The following SLIT3 variants were observed in gnomAD, a reference collection of about 807,000 sequenced individuals.
SLIT3 encodes the protein slit homolog 3 protein.
SLIT3 carries 68 observed loss-of-function variants against 184.0 expected under a neutral mutation model. The observed-to-expected ratio is 0.37, with a 90% CI of 0.30 to 0.45. The LOEUF (loss-of-function observed/expected upper bound fraction) is 0.45, where lower values mean the gene tolerates loss of function less well. Ranked by LOEUF, SLIT3 falls within the 20% of genes least tolerant of loss-of-function variation. The pLI is 1.00. For missense variants in SLIT3, 1,707 were observed against 2,026.0 expected (o/e 0.84, Z 3.02); for synonymous variants, 831 against 828.6 (o/e 1.00, Z -0.05).
chr5:169,222,927 A>G (rs1245412963), intron 3 of SLIT3, among the ~76,000 whole-genome samples: 1 of 152,194 alleles, frequency 6.6e-6, no homozygotes, highest in Non-Finnish European at 1.5e-5. Context: ...AGTTCACTCA[A>G]CAAGGAGACA....
chr5:169,068,547 A>C (rs1230175444), intron 4 of SLIT3, among the ~76,000 whole-genome samples: 3 of 152,218 alleles, frequency 2.0e-5, no homozygotes, highest in African/African-American at 4.8e-5. Flanking sequence ...TAGTGGCCAA[A>C]GCAAAGAGAG....
intron 12 of SLIT3, among the ~76,000 whole-genome samples, chr5:168,776,969 C>T (rs560167738): frequency 4.6e-5 from 7 of 152,174 alleles, no homozygotes; most frequent in South Asian, 2.1e-4. Flanking sequence ...ATTTGATAGC[C>T]TGAGGATGGA....
chr5:168,790,755 A>C (rs1390600491), intron 10 of SLIT3: 1 of 152,278 alleles, frequency 6.6e-6, no homozygotes, highest in African/African-American at 2.4e-5. Context: ...AACAGAGCAG[A>C]TTCTTAAGCA....
intron 5 of SLIT3, among the ~76,000 whole-genome samples, chr5:168,853,782 C>G (rs1457771282): frequency 1.3e-5 from 2 of 152,170 alleles, no homozygotes; most frequent in Non-Finnish European, 2.9e-5. Flanking sequence ...ATTGCTACAC[C>G]TCCCTCTGTG....
intron 4 of SLIT3, among the ~76,000 whole-genome samples, chr5:168,969,202 C>T (rs1374081967): frequency 1.3e-5 from 2 of 152,136 alleles, no homozygotes; most frequent in South Asian, 2.1e-4. Context: ...GTTTATCTTA[C>T]CCCACTGAGC....
At chr5:168,767,615 G>C (rs2113521675) in intron 14 of SLIT3, among the ~76,000 whole-genome samples, 1 of 152,338 alleles carries the variant, frequency 6.6e-6, no homozygotes, top group South Asian at 2.1e-4. Context: ...GGTTCAGAAG[G>C]AACCTTGGGT....
At chr5:169,144,296 C>A (rs1761854002) in intron 4 of SLIT3, among the ~76,000 whole-genome samples, 1 of 152,150 alleles carries the variant, frequency 6.6e-6, no homozygotes, top group Admixed American at 6.5e-5. Context: ...CTGAGTTCCA[C>A]TCCCGATCTC....
At chr5:168,813,961 C>T (rs1032892221) in intron 8 of SLIT3, among the ~76,000 whole-genome samples, 1 of 152,190 alleles carries the variant, frequency 6.6e-6, no homozygotes, top group South Asian at 2.1e-4. Context: ...AATTGCTACC[C>T]CAATGCCTCT....
At chr5:169,149,982 G>A (rs954799100) in intron 4 of SLIT3, among the ~76,000 whole-genome samples, 5 of 152,258 alleles carry the variant, frequency 3.3e-5, no homozygotes, top group Admixed American at 6.5e-5. Context: ...TGAAGACATC[G>A]AGGTTCTGGA....
chr5:168,819,919 G>A (rs1175810751), intron 7 of SLIT3, among the ~76,000 whole-genome samples: 3 of 152,252 alleles, frequency 2.0e-5, no homozygotes, highest in East Asian at 1.9e-4. Flanking sequence ...GAGGGCTCTC[G>A]TCAAAAGCCC....
In SLIT3 at chr5:168,806,534, G is replaced by T; in HGVS notation, c.847C>A (p.Pro283Thr). 1 of 1,614,220 alleles carries T rather than the reference G, an allele frequency of 6.2e-7. No homozygotes were observed. Among genetic ancestry groups the T allele is most frequent in the Non-Finnish European group, 8.5e-7 (1 of 1,180,028 alleles). ...ACGATGTTATTGCTGCACGTGCAGG[G>T]CGAAGGGCAGGAGATGGAGTTGGCA... ...CNANSISCPS[P>T]CTCSNNIVDC... Residue 283 changes from proline (P) to threonine (T), a missense_variant, in exon 9 of 36, where the codon CCC becomes ACC. Around this residue, in one of 3 missense-constraint regions of SLIT3, gnomAD observed 1,307 missense variants for 1,511.6 expected, o/e 0.86. Coordinates refer to ENST00000519560, the MANE Select transcript of SLIT3 (RefSeq NM_003062.4).
chr5:169,211,538 T>C (rs1271522121), intron 3 of SLIT3, among the ~76,000 whole-genome samples: 1 of 152,136 alleles, frequency 6.6e-6, no homozygotes, highest in Non-Finnish European at 1.5e-5. Flanking sequence ...CTCACTCTAC[T>C]CCAGCCATGT....
intron 1 of SLIT3, among the ~76,000 whole-genome samples, chr5:169,265,848 C>T (rs929307357): frequency 6.6e-6 from 1 of 152,176 alleles, no homozygotes; most frequent in African/African-American, 2.4e-5. Flanking sequence ...GCAGGACCTC[C>T]GTGCTTCTAA....
chr5:168,679,180 T>A (rs1761504941), intron 32 of SLIT3, among the ~76,000 whole-genome samples: 1 of 152,206 alleles, frequency 6.6e-6, no homozygotes, highest in South Asian at 2.1e-4. Context: ...TGCCTCAGCC[T>A]CTCAAGTAGC....
intron 4 of SLIT3, among the ~76,000 whole-genome samples, chr5:169,118,063 A>G (rs1760751764): frequency 6.6e-6 from 1 of 152,224 alleles, no homozygotes; most frequent in Non-Finnish European, 1.5e-5. Context: ...TATTAATCCC[A>G]GTGCTTTGGG....
chr5:168,938,226 C>G (rs1398366185), intron 4 of SLIT3, among the ~76,000 whole-genome samples: 2 of 152,172 alleles, frequency 1.3e-5, no homozygotes, highest in Non-Finnish European at 2.9e-5. Context: ...TGGCTAAATA[C>G]TAGGCAAATA....
At chr5:169,028,918 A>G (rs921799551) in intron 4 of SLIT3, among the ~76,000 whole-genome samples, 2 of 152,250 alleles carry the variant, frequency 1.3e-5, no homozygotes, top group Non-Finnish European at 1.5e-5. Flanking sequence ...AAATAAATGT[A>G]GAATAGGCCT....
At chr5:169,210,070 G>T (rs562994864) in intron 3 of SLIT3, among the ~76,000 whole-genome samples, 1 of 152,310 alleles carries the variant, frequency 6.6e-6, no homozygotes, top group East Asian at 1.9e-4. Flanking sequence ...AGATAAGCAA[G>T]ATAAGCCCCG....
intron 4 of SLIT3, among the ~76,000 whole-genome samples, chr5:168,964,498 T>C (rs927173217): frequency 2.6e-5 from 4 of 152,150 alleles, no homozygotes; most frequent in Admixed American, 6.5e-5. Context: ...ATGAAACACA[T>C]AGTGCCAAAG....
Sources: gnomAD v4.1 joint callset for allele counts (sites outside exome capture counted in the v4.1 genomes callset) on GRCh38, gnomAD v4.1.1 for gene constraint, gnomAD v4.1.1 regional missense constraint, MANE v1.5 for transcripts, NCBI Gene and HGNC (gene_info 2026-07-23, HGNC 2026-07-21) for gene names.